Variants in NBEA observed in about 807,000 individuals in gnomAD.
The protein encoded by NBEA is lysosomal-trafficking regulator 2.
A neutral mutation model predicts 343.4 loss-of-function variants in NBEA; 44 were observed. The observed-to-expected ratio is 0.13, with a 90% CI of 0.10 to 0.16. NBEA has a LOEUF of 0.16. NBEA is among the 10% of genes least tolerant of loss of function. The pLI is 1.00. For missense variants in NBEA, 2,555 were observed against 3,631.3 expected, an observed-to-expected ratio of 0.70 and a Z score of 7.62; for synonymous variants, 1,175 against 1,238.7, an observed-to-expected ratio of 0.95 and a Z score of 1.08.
intron 38 of NBEA, among the ~76,000 whole-genome samples, chr13:35,359,962 G>T (rs1323840852): frequency 6.6e-6 from 1 of 151,764 alleles, no homozygotes; most frequent in Admixed American, 6.6e-5. Flanking sequence ...TAACTATGTT[G>T]ATACTTCCAT....
intron 46 of NBEA, among the ~76,000 whole-genome samples, chr13:35,588,182 T>C (rs141485438): frequency 6.3e-4 from 96 of 152,266 alleles, no homozygotes; most frequent in Non-Finnish European, 1.1e-3. Flanking sequence ...AATAGTGACA[T>C]GTGGCTAGTG....
chr13:35,133,552 G>C (rs1827874485), intron 17 of NBEA, among the ~76,000 whole-genome samples: 1 of 151,418 alleles, frequency 6.6e-6, no homozygotes, highest in Non-Finnish European at 1.5e-5. Context: ...AATATTAAAA[G>C]TTGGAAACAA....
chr13:35,311,822 T>C (rs969514734), intron 36 of NBEA, among the ~76,000 whole-genome samples: 1 of 152,004 alleles, frequency 6.6e-6, no homozygotes, highest in Non-Finnish European at 1.5e-5. Context: ...CCATTGCACT[T>C]CAGCCTGGGC....
At chr13:35,402,664 A>G (rs1215275649) in intron 38 of NBEA, among the ~76,000 whole-genome samples, 1 of 152,176 alleles carries the variant, frequency 6.6e-6, no homozygotes, top group Non-Finnish European at 1.5e-5. Flanking sequence ...ACTAACAAGT[A>G]CACTTTTTAA....
rs79905723 is a variant in NBEA at position 35,113,093 on chromosome 13, A to G, written c.2002+2115A>G. On this transcript the variant is annotated intron_variant, in intron 13 of 58. Transcript: ENST00000379939. ...CTTTTAATGTTCTTCAATGTAGGAT[A>G]GTTTTTTAGTATTTCCTTGTCTTTC... Among the ~76,000 whole-genome samples, 222 of 152,268 alleles carry G rather than the reference A, an allele frequency of 1.5e-3. 4 individuals carry two copies. The East Asian group carries it at 0.035, about 24-fold the overall frequency.
intron 39 of NBEA, among the ~76,000 whole-genome samples, chr13:35,444,258 G>A (rs2045881446): frequency 6.6e-6 from 1 of 151,918 alleles, no homozygotes; most frequent in Non-Finnish European, 1.5e-5. Context: ...GTAATTTTCT[G>A]AGAGGTATAT....
intron 18 of NBEA, among the ~76,000 whole-genome samples, chr13:35,142,664 A>G (rs368068413): frequency 1.8e-4 from 27 of 152,094 alleles, no homozygotes; most frequent in African/African-American, 6.5e-4. Context: ...TACATCCGTT[A>G]TGTAGTATTA....
At chr13:35,132,673 C>T (rs2067491832) in intron 17 of NBEA, among the ~76,000 whole-genome samples, 1 of 152,152 alleles carries the variant, frequency 6.6e-6, no homozygotes, top group Admixed American at 6.6e-5. Flanking sequence ...CTATATGCTT[C>T]TGTTTATATG....
chr13:35,124,701 CACAT>C (rs1020531222), intron 17 of NBEA, among the ~76,000 whole-genome samples: 8 of 150,462 alleles, frequency 5.3e-5, no homozygotes, highest in East Asian at 1.9e-4. Context: ...TATATATACA[CACAT>C]ATATGTATGG....
intron 18 of NBEA, among the ~76,000 whole-genome samples, chr13:35,155,399 G>A (rs983707656): frequency 3.0e-4 from 45 of 152,072 alleles, no homozygotes; most frequent in Non-Finnish European, 6.0e-4. Flanking sequence ...TGAGGCGGGT[G>A]GATCATCTGA....
chr13:35,340,507 A>C (rs910091243), intron 36 of NBEA, among the ~76,000 whole-genome samples: 2 of 152,126 alleles, frequency 1.3e-5, no homozygotes, highest in Non-Finnish European at 2.9e-5. Flanking sequence ...TAAAGAATTT[A>C]GATTTTACAA....
At chr13:35,121,950 C>G (rs930229355) in intron 16 of NBEA, among the ~76,000 whole-genome samples, 1 of 152,060 alleles carries the variant, frequency 6.6e-6, no homozygotes, top group Non-Finnish European at 1.5e-5. Context: ...CCTAAAGAAC[C>G]TTCTTGTATT....
At chr13:35,319,828 C>T (rs1189020309) in intron 36 of NBEA, among the ~76,000 whole-genome samples, 1 of 152,068 alleles carries the variant, frequency 6.6e-6, no homozygotes, top group Non-Finnish European at 1.5e-5. Context: ...TTGCATTGAT[C>T]CCTTTACCAT....
chr13:35,639,721 G>C (rs939453149), intron 49 of NBEA, among the ~76,000 whole-genome samples: 4 of 152,040 alleles, frequency 2.6e-5, no homozygotes, highest in Admixed American at 2.6e-4. Flanking sequence ...AAAATTGTTA[G>C]TGAATTTACT....
chr13:35,616,305 G>C (rs546842274), intron 48 of NBEA, among the ~76,000 whole-genome samples: 1 of 152,084 alleles, frequency 6.6e-6, no homozygotes, highest in East Asian at 1.9e-4. Flanking sequence ...AACCATAGTA[G>C]AATAATACTG....
chr13:35,033,290 C>T (rs1192078919), intron 1 of NBEA, among the ~76,000 whole-genome samples: 2 of 151,426 alleles, frequency 1.3e-5, no homozygotes, highest in African/African-American at 2.4e-5. Context: ...GTTCTAGGCA[C>T]CTTTGCGAAA....
chr13:35,226,897 A>C (rs531417798), intron 33 of NBEA, among the ~76,000 whole-genome samples: 58 of 152,162 alleles, frequency 3.8e-4, no homozygotes, highest in African/African-American at 1.3e-3. Flanking sequence ...CATCATGCTC[A>C]CGTAGGCATT....
intron 34 of NBEA, among the ~76,000 whole-genome samples, chr13:35,283,622 G>T (rs2035210570): frequency 6.6e-6 from 1 of 152,244 alleles, no homozygotes; most frequent in African/African-American, 2.4e-5. Flanking sequence ...TCAAAGAAAG[G>T]TAATAAGTGC....
intron 34 of NBEA, among the ~76,000 whole-genome samples, chr13:35,253,896 A>T (rs2032271641): frequency 6.6e-6 from 1 of 152,146 alleles, no homozygotes; most frequent in Admixed American, 6.6e-5. Flanking sequence ...TTGTCATCTG[A>T]TATCCTTACA....
Sources: gnomAD v4.1 joint callset for allele counts (sites outside exome capture counted in the v4.1 genomes callset) on GRCh38, gnomAD v4.1.1 for gene constraint, MANE v1.5 for transcripts, NCBI Gene and HGNC (gene_info 2026-07-23, HGNC 2026-07-21) for gene names.